Variants in MPC1 observed in about 807,000 individuals in gnomAD.
The protein encoded by MPC1 is mitochondrial pyruvate carrier 1, also known as HSPC040 protein.
In MPC1, 6 loss-of-function variants were observed where a neutral mutation model predicts 13.9. That is an observed-to-expected ratio of 0.43 (90% CI 0.24 to 0.85). MPC1 has a LOEUF of 0.85. Among genes scored for constraint, MPC1 ranks in the 40% least tolerant of loss-of-function variants. The probability of loss-of-function intolerance (pLI) is 0.24; values close to 1 mark genes in which losing one functional copy is unlikely to be tolerated. For missense variants in MPC1, 115 were observed against 143.3 expected, an observed-to-expected ratio of 0.80 and a Z score of 1.01; for synonymous variants, 47 against 50.5, an observed-to-expected ratio of 0.93 and a Z score of 0.29.
chr6:166,382,782 G>T (rs1451845819), intron 1 of MPC1, 24 bp downstream of exon 1: 2 of 1,569,340 alleles, frequency 1.3e-6, no homozygotes, highest in Non-Finnish European at 8.6e-7. Context: ...CGGGTTGCGG[G>T]GTTCGGCCTG....
chr6:166,370,094 C>A (rs1779318804), intron 2 of MPC1, 124 bp downstream of exon 2: 1 of 758,020 alleles, frequency 1.3e-6, no homozygotes, highest in African/African-American at 1.7e-5. Flanking sequence ...GCACCCTTCA[C>A]AACCTGCCAG....
chr6:166,367,334 T>A, intron 2 of MPC1: 1 of 294,234 alleles, frequency 3.4e-6, no homozygotes, highest in Non-Finnish European at 5.2e-6. Context: ...AGATATTTGT[T>A]AATAATTCTT....
intron 1 of MPC1, among the ~76,000 whole-genome samples, chr6:166,380,903 C>T: frequency 7.3e-6 from 1 of 137,124 alleles, no homozygotes; most frequent in Non-Finnish European, 1.5e-5. Flanking sequence ...AGTGCCAGTG[C>T]ACTCCAGCCT....
At chr6:166,371,547 A>G (rs930181479) in intron 1 of MPC1, among the ~76,000 whole-genome samples, 15 of 152,224 alleles carry the variant, frequency 9.9e-5, no homozygotes, top group Admixed American at 8.5e-4. Context: ...AAAATCCTTT[A>G]TAAACAGACT....
chr6:166,375,974 G>C (rs1047718656), intron 1 of MPC1, among the ~76,000 whole-genome samples: 3 of 151,794 alleles, frequency 2.0e-5, no homozygotes, highest in Admixed American at 6.6e-5. Flanking sequence ...ATGATGGAGG[G>C]GTGAAATCTC....
chr6:166,374,270 G>A lies in MPC1; in HGVS notation c.72-4049C>T, dbSNP rs551726364. Among the ~76,000 whole-genome samples, 51 of 152,346 alleles carry A rather than the reference G, an allele frequency of 3.3e-4. 1 individual carries two copies. The highest frequency in any genetic ancestry group is 1.0e-3 in the Admixed American group (16 of 15,310). On this transcript the variant is annotated intron_variant, in intron 1 of 4. Transcript: ENST00000360961. ...GGCCTCCCAAAGTGCTGGGATTACAGGAGTGAGCCACCGCGCCTGGCCTTA... is the reference window on the plus strand; with the variant it reads ...GGCCTCCCAAAGTGCTGGGATTACAAGAGTGAGCCACCGCGCCTGGCCTTA...
chr6:166,379,386 C>T (rs766603422), intron 1 of MPC1, among the ~76,000 whole-genome samples: 1 of 152,018 alleles, frequency 6.6e-6, no homozygotes, highest in Non-Finnish European at 1.5e-5. Flanking sequence ...CCTAGCTACT[C>T]GGGAGGCTGA....
At chr6:166,369,081 G>C (rs1779277331) in intron 2 of MPC1, 5 of 362,224 alleles carry the variant, frequency 1.4e-5, no homozygotes, top group Non-Finnish European at 1.9e-5. Flanking sequence ...GTAGCCTTGG[G>C]AGATTCCTGG....
At chr6:166,375,268 C>T (rs1779525989) in intron 1 of MPC1, among the ~76,000 whole-genome samples, 1 of 152,164 alleles carries the variant, frequency 6.6e-6, no homozygotes, top group Non-Finnish European at 1.5e-5. Flanking sequence ...GAGATTTCAT[C>T]ATGCTACTCA....
intron 1 of MPC1, among the ~76,000 whole-genome samples, chr6:166,380,949 A>G (rs1250910184): frequency 5.5e-4 from 83 of 151,256 alleles, no homozygotes; most frequent in African/African-American, 2.0e-3. Context: ...CAAAAAAAAA[A>G]AAAAAAAAAA....
At position 166,379,719 on chromosome 6, in the gene MPC1, TACA is replaced by T. The variant is rs199511068; in HGVS notation, c.71+3084_71+3086del. ...AAGAATGCAGAGGATGCAAAGTGTG[TACA>T]ACAGGCAACTGATGAAGTAAAAAGA... On this transcript the variant is annotated intron_variant, in intron 1 of 4. Transcript: ENST00000360961. 4.6e-5 allele frequency among the ~76,000 whole-genome samples: 7 copies of T among 152,334 alleles called. No homozygotes were observed. The East Asian group carries it at 1.3e-3, about 29-fold the overall frequency.
chr6:166,376,070 A>G (rs572737455), intron 1 of MPC1, among the ~76,000 whole-genome samples: 58 of 152,330 alleles, frequency 3.8e-4, no homozygotes, highest in African/African-American at 1.3e-3. Flanking sequence ...TGGTGCATAC[A>G]CATTAAAGAT....
At chr6:166,378,465 T>C (rs1779650287) in intron 1 of MPC1, among the ~76,000 whole-genome samples, 1 of 152,088 alleles carries the variant, frequency 6.6e-6, no homozygotes, top group African/African-American at 2.4e-5. Context: ...TTTACTGTAA[T>C]ATACAAACTT....
chr6:166,382,810 T>A lies in MPC1; in HGVS notation c.67A>T (p.Met23Leu), dbSNP rs938034650. 6.3e-7 allele frequency: 1 copy of A among 1,594,784 alleles called. No homozygotes were observed. The highest frequency in any genetic ancestry group is 8.5e-7 in the Non-Finnish European group (1 of 1,172,376). The change falls in exon 1 of 5, where the codon ATG (methionine) becomes TTG (leucine). Residue 23 changes from methionine (M) to leucine (L), a missense_variant. This residue lies in a region of MPC1 where 41 missense variants were observed against 34.2 expected (regional missense o/e 1.20). Transcript: ENST00000360961. The stretch of plus-strand genomic sequence containing the variant: ...TCGGCCTGCGGCGCTCGTCACCTCA[T>A]GAGGTAGTCCCGGAAATCCTTGCTT... ...VRSKDFRDYL[M>L]STHFWGPVAN... is the part of the protein sequence containing the mutation.
Position 166,380,477 on chromosome 6 carries a change from T to C in MPC1, c.71+2329A>G, listed in dbSNP as rs75471197. On this transcript the variant is annotated intron_variant, in intron 1 of 4. Coordinates refer to ENST00000360961, the MANE Select transcript of MPC1 (RefSeq NM_016098.4). ...TTAAATACTGGAGAAAGTATAAAAA[T>C]TTAAAGCTACATAAAGTTAATTTTA... Among the ~76,000 whole-genome samples the C allele has an allele frequency of 1.2e-3, 185 of 152,300 alleles. 4 individuals are homozygous for C. In the East Asian group the frequency reaches 0.023, roughly 19 times the overall value.
chr6:166,377,152 T>C (rs145573250), intron 1 of MPC1, among the ~76,000 whole-genome samples: 2,033 of 149,894 alleles, frequency 0.014, 50 homozygotes, highest in African/African-American at 0.046. Flanking sequence ...TTATTCTTTT[T>C]TTTTTTTTTT....
intron 1 of MPC1, among the ~76,000 whole-genome samples, chr6:166,377,796 TC>T (rs1205322250): frequency 6.6e-6 from 1 of 152,198 alleles, no homozygotes; most frequent in Non-Finnish European, 1.5e-5. Context: ...GACTGGACTA[TC>T]CAGATATTAA....
intron 3 of MPC1, among the ~76,000 whole-genome samples, 176 bp from the exon 4 acceptor site, chr6:166,366,282 A>T (rs1378924619): frequency 6.6e-6 from 1 of 152,222 alleles, no homozygotes; most frequent in African/African-American, 2.4e-5. Flanking sequence ...CTCATAAAAA[A>T]ATTTACTGTA....
At chr6:166,370,587 C>T (rs1317926520) in intron 1 of MPC1, among the ~76,000 whole-genome samples, 1 of 152,216 alleles carries the variant, frequency 6.6e-6, no homozygotes, top group Admixed American at 6.5e-5. Flanking sequence ...GGGACAGTGG[C>T]TTATGCCTGT....
Sources: allele counts gnomAD v4.1 joint callset (sites outside exome capture counted in the v4.1 genomes callset), GRCh38; gene constraint gnomAD v4.1.1; regional missense constraint gnomAD v4.1.1; transcripts MANE v1.5; gene names NCBI Gene and HGNC (gene_info 2026-07-23, HGNC 2026-07-21).